CCDC178: variants seen among roughly 807,000 people sequenced by gnomAD.
CCDC178 encodes the protein coiled-coil domain containing 178.
Under a neutral mutation model 117.4 loss-of-function variants are expected in CCDC178, and 126 were observed. The ratio of observed to expected loss-of-function variants is 1.07; its 90% CI spans 0.93 to 1.24. The LOEUF is 1.24. Among genes scored for constraint, CCDC178 ranks in the 50% most tolerant of loss-of-function variants. The pLI, the probability that CCDC178 is intolerant of heterozygous loss-of-function variation, is 0.00. For synonymous variants in CCDC178, 283 were observed against 313.4 expected, an observed-to-expected ratio of 0.90 and a Z score of 1.02; for missense variants, 1,030 against 986.9, an observed-to-expected ratio of 1.04 and a Z score of -0.59.
intron 2 of CCDC178, among the ~76,000 whole-genome samples, chr18:33,437,401 G>T (rs934712308): frequency 6.6e-6 from 1 of 152,064 alleles, no homozygotes; most frequent in Non-Finnish European, 1.5e-5. Flanking sequence ...CAACCATATT[G>T]TTGCCCCTCC....
In CCDC178 at chr18:33,346,966, T is replaced by G. The variant is rs182973403; in HGVS notation, c.458-555A>C. 2.2e-4 allele frequency among the ~76,000 whole-genome samples: 33 copies of G among 152,314 alleles called. No individual in the cohort carries two copies. The East Asian group carries it at 6.4e-3, about 29-fold the overall frequency. On this transcript the variant is annotated intron_variant, in intron 8 of 22. Transcript: ENST00000383096. The stretch of plus-strand genomic sequence containing the variant: ...ATTAACTCCTTTAATGAGAGATATT[T>G]GTGATTCCTGGTTCACAGTTCTGGA...
At chr18:33,263,147 C>G (rs761109357) in intron 14 of CCDC178, among the ~76,000 whole-genome samples, 2 of 152,172 alleles carry the variant, frequency 1.3e-5, no homozygotes, top group African/African-American at 2.4e-5. Flanking sequence ...TTTGTTCCAA[C>G]TATAACACTC....
intron 21 of CCDC178, among the ~76,000 whole-genome samples, chr18:33,018,746 T>A (rs1457242622): frequency 6.6e-6 from 1 of 152,088 alleles, no homozygotes; most frequent in Non-Finnish European, 1.5e-5. Flanking sequence ...TAGGAGGGAA[T>A]GTGTCTCCAC....
chr18:32,949,486 C>T (rs759059410), intron 22 of CCDC178, among the ~76,000 whole-genome samples: 1 of 152,050 alleles, frequency 6.6e-6, no homozygotes, highest in African/African-American at 2.4e-5. Flanking sequence ...TTCAAATTCA[C>T]CAGCCTTTTT....
chr18:33,152,761 C>T (rs1047982700), intron 20 of CCDC178, among the ~76,000 whole-genome samples: 2 of 152,034 alleles, frequency 1.3e-5, no homozygotes, highest in African/African-American at 4.8e-5. Flanking sequence ...GACTGCTATA[C>T]CCTCATCTTT....
In CCDC178 at chr18:33,154,450, T is replaced by C. The variant is rs576443616; in HGVS notation, c.2238+57446A>G. Among the ~76,000 whole-genome samples, 19 of 152,126 alleles carry C rather than the reference T, an allele frequency of 1.2e-4. No homozygotes were observed. The South Asian group carries it at 3.9e-3, about 32-fold the overall frequency. The stretch of plus-strand genomic sequence containing the variant: ...GAGAAGGACTTTAAAGCAGCTGTTA[T>C]AAATACAGTCAAGGAATTAAGAAAG... On this transcript the variant is annotated intron_variant, in intron 20 of 22. Transcript: ENST00000383096.
intron 21 of CCDC178, among the ~76,000 whole-genome samples, chr18:33,004,975 C>T (rs370331204): frequency 2.6e-4 from 40 of 151,964 alleles, no homozygotes; most frequent in African/African-American, 8.7e-4. Flanking sequence ...CAACTGCTGG[C>T]GAGGATATGG....
intron 21 of CCDC178, among the ~76,000 whole-genome samples, chr18:33,073,331 G>C (rs1448313446): frequency 6.6e-6 from 1 of 151,858 alleles, no homozygotes; most frequent in African/African-American, 2.4e-5. Context: ...TATACGATGT[G>C]AAAATACCTT....
rs557103183 is a variant in CCDC178 at position 33,369,979 on chromosome 18, C to G, written c.348+71G>C. 5.4e-5 allele frequency: 70 copies of G among 1,284,710 alleles called. No individual in the cohort carries two copies. The African/African-American group carries it at 5.6e-4, about 10-fold the overall frequency. The allele number at this position is 1,284,710 out of a possible 1,614,324, so 79.6% of individuals were successfully genotyped here. A position where few individuals can be genotyped will look rare whatever the true frequency, so the allele number is the denominator to read the frequency against. The stretch of plus-strand genomic sequence containing the variant: ...TAAAAAGTCCAGAGTTTCCTGGGTT[C>G]TTTAAATAACCAATCCTTAGAGGGT... On this transcript the variant is annotated intron_variant, in intron 6 of 22. Coordinates refer to ENST00000383096, the MANE Select transcript of CCDC178 (RefSeq NM_001105528.4).
At chr18:32,958,665 C>T (rs1230062894) in intron 22 of CCDC178, among the ~76,000 whole-genome samples, 1 of 152,202 alleles carries the variant, frequency 6.6e-6, no homozygotes, top group Non-Finnish European at 1.5e-5. Context: ...GAAGCAGGTT[C>T]AAACCCTACT....
intron 21 of CCDC178, among the ~76,000 whole-genome samples, chr18:33,025,747 T>C (rs565399356): frequency 4.6e-5 from 7 of 152,248 alleles, no homozygotes; most frequent in African/African-American, 1.7e-4. Context: ...GGTAAGGATG[T>C]AAAGAAATTT....
intron 21 of CCDC178, among the ~76,000 whole-genome samples, chr18:33,006,057 A>T (rs1046772476): frequency 6.6e-6 from 1 of 152,092 alleles, no homozygotes; most frequent in African/African-American, 2.4e-5. Flanking sequence ...TTTATCAGTT[A>T]TCATACATAA....
intron 20 of CCDC178, among the ~76,000 whole-genome samples, chr18:33,193,391 CTT>C (rs1228248480): frequency 6.7e-6 from 1 of 149,524 alleles, no homozygotes; most frequent in East Asian, 2.0e-4. Context: ...CAATTAATGA[CTT>C]TGTTAAATAT....
chr18:33,128,246 T>G (rs1373678630), intron 20 of CCDC178, among the ~76,000 whole-genome samples: 1 of 152,188 alleles, frequency 6.6e-6, no homozygotes, highest in African/African-American at 2.4e-5. Flanking sequence ...TGAGTAAAAG[T>G]AAATATGATT....
rs781258106 is a variant in CCDC178, at chr18:33,346,342, CTT to C, written c.525_526del (p.Leu177ArgfsTer3). Reference sequence around the variant, plus strand: ...AGCGTCTGCCCGGTCAGTTTCTAGACTTTTAATGAGACGAATGGCCTCTGAGA... The same window carrying C: ...AGCGTCTGCCCGGTCAGTTTCTAGACTTAATGAGACGAATGGCCTCTGAGA... On this transcript the variant is annotated frameshift_variant, in exon 9 of 23. Transcript: ENST00000383096. LOFTEE classifies it high-confidence loss of function. The C allele has an allele frequency of 1.9e-6, 3 of 1,613,778 alleles. No homozygotes were observed. In the East Asian group the frequency reaches 6.7e-5, roughly 36 times the overall value.
intron 19 of CCDC178, among the ~76,000 whole-genome samples, chr18:33,213,131 A>G (rs2059126190): frequency 6.6e-6 from 1 of 152,014 alleles, no homozygotes; most frequent in African/African-American, 2.4e-5. Flanking sequence ...CCTAGAGTTG[A>G]GGAACCTAAA....
chr18:32,944,172 T>C lies in CCDC178; in HGVS notation c.2524-6081A>G, dbSNP rs2054297314. Among the ~76,000 whole-genome samples the C allele has an allele frequency of 3.3e-5, 5 of 152,170 alleles. No homozygotes were observed. In the South Asian group the frequency reaches 8.3e-4, roughly 25 times the overall value. On this transcript the variant is annotated intron_variant, in intron 22 of 22. Coordinates refer to ENST00000383096, the MANE Select transcript of CCDC178 (RefSeq NM_001105528.4). Reference sequence around the variant, plus strand: ...ATAACTAGTTTATCACAACACAGGATGTGATATGGTCACAGAAAAGTGGTG... The same window carrying C: ...ATAACTAGTTTATCACAACACAGGACGTGATATGGTCACAGAAAAGTGGTG...
chr18:33,127,403 T>A (rs1414471484), intron 20 of CCDC178, among the ~76,000 whole-genome samples: 1 of 152,154 alleles, frequency 6.6e-6, no homozygotes, highest in East Asian at 1.9e-4. Flanking sequence ...CAAATACCCA[T>A]AAATAGCTTC....
intron 21 of CCDC178, among the ~76,000 whole-genome samples, chr18:33,091,722 T>C (rs1177478466): frequency 2.0e-5 from 3 of 152,116 alleles, no homozygotes; most frequent in East Asian, 1.9e-4. Context: ...GGATGGCAAA[T>C]AGGGAAGTAC....
Sources: gnomAD v4.1 joint callset for allele counts (sites outside exome capture counted in the v4.1 genomes callset) on GRCh38, gnomAD v4.1.1 for gene constraint, MANE v1.5 for transcripts, NCBI Gene and HGNC (gene_info 2026-07-23, HGNC 2026-07-21) for gene names.